Variants in APBB2 observed in about 807,000 individuals in gnomAD.
The protein encoded by APBB2 is amyloid beta precursor protein binding family B member 2.
APBB2 carries 38 observed loss-of-function variants against 82.5 expected under a neutral mutation model. That is an observed-to-expected ratio of 0.46 (90% CI 0.36 to 0.60). APBB2 has a LOEUF of 0.60. Ranked by LOEUF, APBB2 falls within the 20% of genes least tolerant of loss-of-function variation. APBB2 has a pLI of 0.00. For missense variants in APBB2, 772 were observed against 972.3 expected (o/e 0.79, Z 2.74); for synonymous variants, 341 against 368.2 (o/e 0.93, Z 0.85).
chr4:40,833,867 G>A (rs945204394), intron 12 of APBB2, among the ~76,000 whole-genome samples: 7 of 152,346 alleles, frequency 4.6e-5, no homozygotes, highest in Admixed American at 2.6e-4. Context: ...CCGACACGGC[G>A]GATGAACAGG....
chr4:41,091,448 G>T (rs902655226), intron 3 of APBB2, among the ~76,000 whole-genome samples: 2 of 152,162 alleles, frequency 1.3e-5, no homozygotes, highest in African/African-American at 4.8e-5. Flanking sequence ...AGTAATTTTT[G>T]TGAAGATGTC....
intron 2 of APBB2, among the ~76,000 whole-genome samples, chr4:41,123,850 C>A (rs931284303): frequency 6.6e-6 from 1 of 150,380 alleles, no homozygotes; most frequent in Non-Finnish European, 1.5e-5. Flanking sequence ...CAAAACAAAA[C>A]AAAAAAAAAC....
intron 10 of APBB2, among the ~76,000 whole-genome samples, chr4:40,911,773 C>A (rs1390762288): frequency 6.6e-6 from 1 of 152,198 alleles, no homozygotes; most frequent in East Asian, 1.9e-4. Flanking sequence ...CAGACCAACA[C>A]CTAGGGGGAC....
intron 6 of APBB2, among the ~76,000 whole-genome samples, chr4:41,000,069 A>ATGTGTGTGTGTGTG (rs779111046): frequency 1.2e-4 from 16 of 130,684 alleles, no homozygotes; most frequent in African/African-American, 4.0e-4. Flanking sequence ...ATATGTGTGT[A>ATGTGTGTGTGTGTG]TGTGTGTGTG....
At chr4:41,204,601 A>C (rs114932885) in intron 1 of APBB2, among the ~76,000 whole-genome samples, 543 of 152,332 alleles carry the variant, frequency 3.6e-3, no homozygotes, top group Non-Finnish European at 5.9e-3. Context: ...TCTCCCAGTA[A>C]TACGTATCAC....
At chr4:40,946,646 GTAAT>G (rs1788534970) in intron 6 of APBB2, among the ~76,000 whole-genome samples, 1 of 152,034 alleles carries the variant, frequency 6.6e-6, no homozygotes, top group South Asian at 2.1e-4. Flanking sequence ...AGATGGAGGG[GTAAT>G]AAGGGAATCA....
chr4:40,917,849 G>C (rs1780223483), intron 10 of APBB2, among the ~76,000 whole-genome samples: 1 of 152,224 alleles, frequency 6.6e-6, no homozygotes, highest in African/African-American at 2.4e-5. Context: ...CAAGGGTGCT[G>C]TGTGCTTTTT....
chr4:40,862,179 T>TTACA (rs1449712049), intron 12 of APBB2, among the ~76,000 whole-genome samples: 1 of 152,228 alleles, frequency 6.6e-6, no homozygotes, highest in African/African-American at 2.4e-5. Flanking sequence ...ATTTGTTTGA[T>TTACA]TACATGAGTA....
chr4:41,172,159 C>T (rs569096266), intron 1 of APBB2, among the ~76,000 whole-genome samples: 13 of 152,064 alleles, frequency 8.5e-5, no homozygotes, highest in Non-Finnish European at 1.9e-4. Flanking sequence ...AAACAAAGAC[C>T]AAAATCCTGG....
intron 2 of APBB2, among the ~76,000 whole-genome samples, chr4:41,141,933 G>A (rs1253516201): frequency 1.3e-5 from 2 of 152,186 alleles, no homozygotes; most frequent in South Asian, 2.1e-4. Context: ...AATTCAAGAT[G>A]AGATTTGGGT....
intron 10 of APBB2, among the ~76,000 whole-genome samples, chr4:40,923,183 G>C (rs184790352): frequency 3.4e-3 from 517 of 150,122 alleles, no homozygotes; most frequent in Non-Finnish European, 5.3e-3. Flanking sequence ...CACCGTGTTA[G>C]CCAAGATGGT....
At chr4:41,076,148 C>G (rs575900454) in intron 3 of APBB2, among the ~76,000 whole-genome samples, 1 of 152,096 alleles carries the variant, frequency 6.6e-6, no homozygotes, top group African/African-American at 2.4e-5. Flanking sequence ...ATTTTCAAAG[C>G]AGGGGCAGAC....
intron 7 of APBB2, among the ~76,000 whole-genome samples, chr4:40,939,683 C>T (rs112186316): frequency 1.6e-4 from 24 of 152,302 alleles, no homozygotes; most frequent in African/African-American, 5.3e-4. Context: ...CAACCTCCAC[C>T]TCCTGAGCTC....
chr4:40,965,263 C>T (rs1171784861), intron 6 of APBB2, among the ~76,000 whole-genome samples: 2 of 152,048 alleles, frequency 1.3e-5, no homozygotes, highest in African/African-American at 4.8e-5. Flanking sequence ...AAATATATCA[C>T]GAATTATGAC....
chr4:40,981,770 T>C (rs898140499), intron 6 of APBB2, among the ~76,000 whole-genome samples: 1 of 152,156 alleles, frequency 6.6e-6, no homozygotes, highest in East Asian at 1.9e-4. Context: ...ATGCTTCTCC[T>C]ATACGCAGAA....
intron 12 of APBB2, among the ~76,000 whole-genome samples, chr4:40,847,838 G>T (rs566250606): frequency 4.6e-5 from 7 of 150,598 alleles, no homozygotes; most frequent in African/African-American, 1.7e-4. Context: ...ATGGGATCTC[G>T]CTCTGTTGCC....
chr4:41,096,411 G>A (rs531134562), intron 3 of APBB2, among the ~76,000 whole-genome samples: 2 of 152,228 alleles, frequency 1.3e-5, no homozygotes, highest in African/African-American at 4.8e-5. Flanking sequence ...TTACTTGGGC[G>A]ACAGAGTCAC....
At chr4:40,870,929 CA>C (rs1176779952) in intron 12 of APBB2, among the ~76,000 whole-genome samples, 2 of 151,922 alleles carry the variant, frequency 1.3e-5, no homozygotes, top group Non-Finnish European at 1.5e-5. Context: ...ATGAACTCCC[CA>C]CCTCTGGGGA....
intron 7 of APBB2, among the ~76,000 whole-genome samples, chr4:40,939,235 C>T (rs1786206227): frequency 6.6e-6 from 1 of 152,156 alleles, no homozygotes; most frequent in South Asian, 2.1e-4. Flanking sequence ...TGCTGGAATG[C>T]TGGGGTTCAA....
Sources: allele counts gnomAD v4.1 joint callset (sites outside exome capture counted in the v4.1 genomes callset), GRCh38; gene constraint gnomAD v4.1.1; transcripts MANE v1.5; gene names NCBI Gene and HGNC (gene_info 2026-07-23, HGNC 2026-07-21).